The following SLC4A4 variants were observed in gnomAD, a reference collection of about 807,000 sequenced individuals.
SLC4A4 encodes the protein solute carrier family 4 member 4.
SLC4A4 carries 27 observed loss-of-function variants against 111.5 expected under a neutral mutation model. The ratio of observed to expected loss-of-function variants is 0.24; its 90% CI spans 0.18 to 0.33. The LOEUF is 0.33. Ranked by LOEUF, SLC4A4 falls within the 10% of genes least tolerant of loss-of-function variation. SLC4A4 has a pLI of 1.00. For synonymous variants in SLC4A4, 443 were observed against 463.4 expected, an observed-to-expected ratio of 0.96 and a Z score of 0.57; for missense variants, 909 against 1,315.5, an observed-to-expected ratio of 0.69 and a Z score of 4.78.
intron 7 of SLC4A4, among the ~76,000 whole-genome samples, chr4:71,423,668 G>A (rs1268860604): frequency 2.6e-5 from 4 of 152,094 alleles, no homozygotes; most frequent in African/African-American, 7.2e-5. Flanking sequence ...ACAGAACAGA[G>A]CCCTCAGAAA....
At chr4:71,394,875 G>C (rs1719657191) in intron 6 of SLC4A4, among the ~76,000 whole-genome samples, 1 of 152,152 alleles carries the variant, frequency 6.6e-6, no homozygotes, top group Non-Finnish European at 1.5e-5. Flanking sequence ...GCTAAGCTAT[G>C]AGGACGCAAA....
At chr4:71,193,454 C>G (rs1009022506) in intron 1 of SLC4A4, among the ~76,000 whole-genome samples, 1 of 152,222 alleles carries the variant, frequency 6.6e-6, no homozygotes, top group Non-Finnish European at 1.5e-5. Flanking sequence ...CCACCGCGCC[C>G]GGCCCATGTG....
intron 6 of SLC4A4, among the ~76,000 whole-genome samples, chr4:71,391,806 A>G (rs1225595563): frequency 6.6e-6 from 1 of 151,882 alleles, no homozygotes; most frequent in Non-Finnish European, 1.5e-5. Context: ...TACACCCTGG[A>G]TTTTAGGTGG....
intron 4 of SLC4A4, among the ~76,000 whole-genome samples, chr4:71,349,372 G>C (rs533805084): frequency 6.6e-6 from 1 of 152,086 alleles, no homozygotes; most frequent in Non-Finnish European, 1.5e-5. Context: ...ACAACAAAAC[G>C]TGCCGGTCTT....
At chr4:71,126,422 T>G (rs1291074454) in intron 2 of SLC4A4, among the ~76,000 whole-genome samples, 1 of 152,202 alleles carries the variant, frequency 6.6e-6, no homozygotes, top group Non-Finnish European at 1.5e-5. Context: ...GTTCTGCTAT[T>G]TGGTGGCAAT....
chr4:71,066,105 T>C (rs537052320), intron 1 of SLC4A4, among the ~76,000 whole-genome samples: 2 of 152,164 alleles, frequency 1.3e-5, no homozygotes, highest in Non-Finnish European at 2.9e-5. Flanking sequence ...ATTTACTGGA[T>C]GTCTTGTTAA....
chr4:71,176,590 T>G (rs1290133945), intron 2 of SLC4A4, among the ~76,000 whole-genome samples: 1 of 151,832 alleles, frequency 6.6e-6, no homozygotes, highest in Non-Finnish European at 1.5e-5. Context: ...TGATGGAAGC[T>G]CAAATGAATG....
intron 7 of SLC4A4, among the ~76,000 whole-genome samples, chr4:71,433,063 A>G (rs1306889933): frequency 3.9e-5 from 6 of 152,158 alleles, no homozygotes; most frequent in African/African-American, 1.4e-4. Context: ...GCTGTACTGC[A>G]GAATAACACC....
chr4:71,337,038 A>G (rs1728484674), intron 3 of SLC4A4, among the ~76,000 whole-genome samples: 1 of 152,218 alleles, frequency 6.6e-6, no homozygotes, highest in African/African-American at 2.4e-5. Context: ...GTGTGAACTG[A>G]ACAACAAACA....
rs1479338980 is a variant in SLC4A4, at chr4:71,446,233, A to C, written c.966-1413A>C. 7.2e-5 allele frequency among the ~76,000 whole-genome samples: 11 copies of C among 152,272 alleles called. No individual in the cohort carries two copies. The South Asian group carries it at 2.3e-3, about 32-fold the overall frequency. On this transcript the variant is annotated intron_variant, in intron 8 of 25. Transcript: ENST00000264485. ...AGGGCATTTTGGAACAGACCCAAAC[A>C]TTTTTTAAAGTATTTGCTGTCAATC...
At chr4:71,260,041 T>G (rs1721738053) in intron 3 of SLC4A4, among the ~76,000 whole-genome samples, 1 of 152,156 alleles carries the variant, frequency 6.6e-6, no homozygotes. Flanking sequence ...TTCAGTCTTG[T>G]GGTATTCTTT....
At position 71,198,945 on chromosome 4, in the gene SLC4A4, C is replaced by T. The variant is rs549937607; in HGVS notation, c.-2+11544C>T. Among the ~76,000 whole-genome samples, 15 of 152,266 alleles carry T rather than the reference C, an allele frequency of 9.9e-5. No homozygotes were observed. The South Asian group carries it at 2.1e-3, about 21-fold the overall frequency. On this transcript the variant is annotated intron_variant, in intron 1 of 25. Transcript: ENST00000264485. ...ACTGGATACTCTAACAGGAGAAGGT[C>T]CAGAGCAAATCACTGGGTGGATTAA...
At chr4:71,404,822 G>T (rs1720695343) in intron 7 of SLC4A4, among the ~76,000 whole-genome samples, 1 of 151,824 alleles carries the variant, frequency 6.6e-6, no homozygotes, top group Non-Finnish European at 1.5e-5. Context: ...TTGAGACAGA[G>T]TCTCACTCTG....
Position 71,212,218 on chromosome 4 carries a change from C to A in SLC4A4, c.-1-24358C>A, listed in dbSNP as rs1169168181. On this transcript the variant is annotated intron_variant, in intron 1 of 25. Coordinates refer to ENST00000264485, the MANE Select transcript of SLC4A4 (RefSeq NM_001098484.3). ...CCCTAAAATTTTGAGTTCTTTATCT[C>A]TATTGTTACTATTCTGGGGTTTGGA... 3.9e-5 allele frequency among the ~76,000 whole-genome samples: 6 copies of A among 152,288 alleles called. No individual in the cohort carries two copies. In the East Asian group the frequency reaches 9.6e-4, roughly 24 times the overall value.
At position 71,571,950 on chromosome 4, in the gene SLC4A4, A is replaced by G. The variant is rs1737953704; in HGVS notation, c.*4199A>G. On this transcript the variant is annotated 3_prime_UTR_variant, in exon 26 of 26. Coordinates refer to ENST00000264485, the MANE Select transcript of SLC4A4 (RefSeq NM_001098484.3). The stretch of plus-strand genomic sequence containing the variant: ...CAATATAAATCCTAAAATTCCTATA[A>G]CATAGTATTTTACAGTTTTATGAAG... The G allele has an allele frequency of 6.6e-6, 1 of 152,290 alleles. No individual in the cohort carries two copies. Among genetic ancestry groups the G allele is most frequent in the Non-Finnish European group, 1.5e-5 (1 of 67,896 alleles). 9.4% of individuals were successfully genotyped at this position (152,290 alleles called of 1,614,324 possible).
chr4:71,366,315 TTGTGTGTGTG>T (rs71673473), intron 6 of SLC4A4, among the ~76,000 whole-genome samples: 3,193 of 138,002 alleles, frequency 0.023, 103 homozygotes, highest in South Asian at 0.12. Context: ...TCTGGAGATA[TTGTGTGTGTG>T]TGTGTGTGTG....
intron 3 of SLC4A4, among the ~76,000 whole-genome samples, chr4:71,333,359 C>T (rs1171207547): frequency 6.6e-6 from 1 of 152,230 alleles, no homozygotes; most frequent in African/African-American, 2.4e-5. Context: ...GACTCTTGTT[C>T]TCTTCTCTTA....
At chr4:71,552,258 AAGT>A (rs1736057948) in intron 20 of SLC4A4, among the ~76,000 whole-genome samples, 2 of 151,908 alleles carry the variant, frequency 1.3e-5, no homozygotes, top group African/African-American at 4.8e-5. Context: ...AATGTTACAT[AAGT>A]AGTAGGGCCA....
chr4:71,338,298 T>C (rs561910821), intron 3 of SLC4A4, among the ~76,000 whole-genome samples: 9 of 152,340 alleles, frequency 5.9e-5, no homozygotes, highest in South Asian at 2.1e-4. Context: ...TAGGGATTTT[T>C]GGTTTTATTG....
Sources: allele counts gnomAD v4.1 joint callset (sites outside exome capture counted in the v4.1 genomes callset), GRCh38; gene constraint gnomAD v4.1.1; transcripts MANE v1.5; gene names NCBI Gene and HGNC (gene_info 2026-07-23, HGNC 2026-07-21).